The following KLHL1 variants were observed in gnomAD, a reference collection of about 807,000 sequenced individuals.
KLHL1 encodes the protein kelch like family member 1.
KLHL1 carries 47 observed loss-of-function variants against 77.7 expected under a neutral mutation model. The observed-to-expected ratio is 0.60, with a 90% CI of 0.48 to 0.77. The LOEUF (loss-of-function observed/expected upper bound fraction) is 0.77, where lower values mean the gene tolerates loss of function less well. Ranked by LOEUF, KLHL1 falls within the 30% of genes least tolerant of loss-of-function variation. The pLI is 0.00. For missense variants in KLHL1, 925 were observed against 910.8 expected (o/e 1.02, Z -0.20); for synonymous variants, 360 against 325.2 (o/e 1.11, Z -1.15).
rs759485308 is a variant in KLHL1, at chr13:69,796,938, T to C, written c.1439A>G (p.Asp480Gly). The change falls in exon 7 of 11, where the codon GAT (aspartate) becomes GGT (glycine). Residue 480 changes from aspartate to glycine, a missense_variant. Physicochemically the swap from Asp to Gly is moderately conservative, Grantham distance 94 (BLOSUM62 -1). Transcript: ENST00000377844. ...CTGGATCCACAGATTTGTTCTCAGA[T>C]CATATTTCTCTATAGTTGTAGCTCC... ...NKGATTIEKY[D>G]LRTNLWIQAG... 1.9e-6 allele frequency: 3 copies of C among 1,614,010 alleles called. No homozygotes were observed. The highest frequency in any genetic ancestry group is 2.5e-6 in the Non-Finnish European group (3 of 1,179,986).
rs367654775 is a variant in KLHL1 at position 70,094,951 on chromosome 13, A to G, written c.497+12252T>C. 3.4e-4 allele frequency among the ~76,000 whole-genome samples: 52 copies of G among 152,258 alleles called. 2 individuals are homozygous for G. In the South Asian group the frequency reaches 0.011, roughly 31 times the overall value. On this transcript the variant is annotated intron_variant, in intron 1 of 10. Transcript: ENST00000377844. ...AAAGTAGCCAGTAGAATAAATACCA[A>G]TGGCTATCTTCTATACCCAGTCCCC...
intron 2 of KLHL1, among the ~76,000 whole-genome samples, chr13:69,963,325 G>A (rs956019929): frequency 1.1e-4 from 17 of 151,900 alleles, no homozygotes; most frequent in East Asian, 3.9e-4. Context: ...TTTGTTCTTC[G>A]GATTAATCTT....
At chr13:69,707,553 A>G in intron 10 of KLHL1, 72 bp downstream of exon 10, 2 of 1,405,948 alleles carry the variant, frequency 1.4e-6, no homozygotes, top group South Asian at 2.8e-5. Context: ...CTGTTTGTAT[A>G]CCCCTCCTCC....
chr13:69,707,717 C>A lies in KLHL1; in HGVS notation c.2095G>T (p.Gly699Cys). ...PRDAVGVCLL[G>C]DRLYAVGGYD... is the part of the protein sequence containing the mutation. ...CCACCAACAGCATATAATCTGTCAC[C>A]AAGGAGACAGACCCCAACAGCATCT... The change falls in exon 10 of 11, where the codon GGT (glycine) becomes TGT (cysteine). Residue 699 changes from glycine (G) to cysteine (C), a missense_variant. Physicochemically the swap from Gly to Cys is radical, Grantham distance 159 (BLOSUM62 -3). Transcript: ENST00000377844. The A allele has an allele frequency of 6.2e-7, 1 of 1,612,810 alleles. No individual in the cohort carries two copies.
intron 4 of KLHL1, among the ~76,000 whole-genome samples, chr13:69,919,914 T>C (rs1392462424): frequency 2.0e-5 from 3 of 152,232 alleles, no homozygotes; most frequent in Admixed American, 6.5e-5. Context: ...ATTTATCTTA[T>C]GGCCCAGCTG....
Position 69,901,614 on chromosome 13 carries a change from A to C in KLHL1, c.1015-19119T>G, listed in dbSNP as rs893872372. Reference sequence around the variant, plus strand: ...AGTGATGTGTTTACAATCTTACTGTAACATTTTAAAGGGTAAATAGTGATC... The same window carrying C: ...AGTGATGTGTTTACAATCTTACTGTCACATTTTAAAGGGTAAATAGTGATC... On this transcript the variant is annotated intron_variant, in intron 4 of 10. Coordinates refer to ENST00000377844, the MANE Select transcript of KLHL1 (RefSeq NM_020866.3). Among the ~76,000 whole-genome samples the C allele has an allele frequency of 6.6e-5, 10 of 152,200 alleles. No individual in the cohort carries two copies. In the East Asian group the frequency reaches 1.9e-3, roughly 29 times the overall value.
At chr13:69,732,753 G>A (rs567529095) in intron 8 of KLHL1, among the ~76,000 whole-genome samples, 2 of 151,902 alleles carry the variant, frequency 1.3e-5, no homozygotes, top group East Asian at 1.9e-4. Flanking sequence ...CCTAGTTTGC[G>A]GTTTTTCTAA....
chr13:69,742,335 T>C (rs1253067499), intron 7 of KLHL1, among the ~76,000 whole-genome samples: 1 of 152,154 alleles, frequency 6.6e-6, no homozygotes, highest in Non-Finnish European at 1.5e-5. Context: ...TAAAATAACC[T>C]CCTTTTAAAT....
intron 1 of KLHL1, among the ~76,000 whole-genome samples, chr13:70,004,380 C>T (rs1050939798): frequency 3.3e-5 from 5 of 151,742 alleles, no homozygotes; most frequent in African/African-American, 9.7e-5. Context: ...AAATGCTAAG[C>T]GTCCAAGATT....
chr13:70,070,405 T>C (rs1026982637), intron 1 of KLHL1, among the ~76,000 whole-genome samples: 1 of 151,910 alleles, frequency 6.6e-6, no homozygotes, highest in East Asian at 1.9e-4. Flanking sequence ...AAGAATTACA[T>C]TGAACCTTCA....
chr13:69,781,776 G>A (rs1404296082), intron 7 of KLHL1, among the ~76,000 whole-genome samples: 2 of 152,010 alleles, frequency 1.3e-5, no homozygotes, highest in Non-Finnish European at 2.9e-5. Flanking sequence ...GCTCTGTGTT[G>A]TACTTTAGAT....
intron 8 of KLHL1, among the ~76,000 whole-genome samples, chr13:69,722,814 C>T (rs927184091): frequency 2.6e-5 from 4 of 151,942 alleles, no homozygotes; most frequent in Admixed American, 2.0e-4. Flanking sequence ...AATCTCACTA[C>T]TTGGTGTATA....
chr13:69,840,698 A>ATATATATATGTATGTATG (rs976775077), intron 5 of KLHL1, among the ~76,000 whole-genome samples: 46 of 146,340 alleles, frequency 3.1e-4, no homozygotes, highest in Non-Finnish European at 5.5e-4. Context: ...ATATATATAT[A>ATATATATATGTATGTATG]TATGTATGTA....
chr13:70,012,071 T>G (rs865962576), intron 1 of KLHL1, among the ~76,000 whole-genome samples: 13 of 151,994 alleles, frequency 8.6e-5, no homozygotes, highest in African/African-American at 2.7e-4. Flanking sequence ...AAAAACAGCA[T>G]GAGAAAGACC....
Position 69,914,532 on chromosome 13 carries a change from C to T in KLHL1, c.1014+25508G>A, listed in dbSNP as rs76048644. Among the ~76,000 whole-genome samples the T allele has an allele frequency of 8.4e-3, 1,281 of 152,242 alleles. 10 individuals are homozygous for T. The highest frequency in any genetic ancestry group is 0.028 in the African/African-American group (1,172 of 41,540). ...AGAGAAAATAACTTGACAGCAGAAT[C>T]TGCAGCATTTAAAAGCCAGGTGATC... is the stretch of plus-strand genomic sequence containing the variant. On this transcript the variant is annotated intron_variant, in intron 4 of 10. Transcript: ENST00000377844.
chr13:69,929,111 A>G (rs1882910745), intron 4 of KLHL1, among the ~76,000 whole-genome samples: 1 of 129,256 alleles, frequency 7.7e-6, no homozygotes, highest in Non-Finnish European at 1.7e-5. Context: ...TTAAGATTTA[A>G]CAAGATATTT....
chr13:69,823,001 C>T (rs1169907900), intron 6 of KLHL1, among the ~76,000 whole-genome samples: 2 of 152,114 alleles, frequency 1.3e-5, no homozygotes, highest in Non-Finnish European at 2.9e-5. Context: ...ACTGTTAAGA[C>T]GTCAAAAGTT....
chr13:69,703,320 T>C (rs963810410), intron 10 of KLHL1, among the ~76,000 whole-genome samples: 5 of 150,892 alleles, frequency 3.3e-5, no homozygotes, highest in Non-Finnish European at 7.4e-5. Context: ...TTTTTGAAAA[T>C]GGAAAAAAGC....
intron 1 of KLHL1, among the ~76,000 whole-genome samples, chr13:69,996,760 A>C (rs991715311): frequency 2.6e-5 from 4 of 152,066 alleles, no homozygotes; most frequent in African/African-American, 9.7e-5. Context: ...AGGGCAAAAA[A>C]CAGCAAGTAT....
Sources: allele counts gnomAD v4.1 joint callset (sites outside exome capture counted in the v4.1 genomes callset), GRCh38; gene constraint gnomAD v4.1.1; transcripts MANE v1.5; gene names NCBI Gene and HGNC (gene_info 2026-07-23, HGNC 2026-07-21).